The following OCA2 variants were observed in gnomAD, a reference collection of about 807,000 sequenced individuals.
OCA2 encodes P protein.
Under a neutral mutation model 100.2 loss-of-function variants are expected in OCA2, and 77 were observed. The observed-to-expected ratio is 0.77, with a 90% CI of 0.64 to 0.93. The LOEUF is 0.93. Among genes scored for constraint, OCA2 ranks in the 40% least tolerant of loss-of-function variants. The pLI is 0.00. For synonymous variants in OCA2, 432 were observed against 439.2 expected (o/e 0.98, Z 0.21); for missense variants, 1,062 against 1,089.1 (o/e 0.98, Z 0.35).
intron 19 of OCA2, among the ~76,000 whole-genome samples, chr15:27,883,573 A>G (rs1298527995): frequency 6.6e-6 from 1 of 152,088 alleles, no homozygotes; most frequent in Non-Finnish European, 1.5e-5. Context: ...ATCCCTCATC[A>G]GGGCGAGGGA....
chr15:27,927,618 T>G (rs1208053553), intron 18 of OCA2, among the ~76,000 whole-genome samples: 1 of 152,132 alleles, frequency 6.6e-6, no homozygotes, highest in Non-Finnish European at 1.5e-5. Context: ...CCAAAATAAT[T>G]TTATCATTTT....
intron 14 of OCA2, among the ~76,000 whole-genome samples, chr15:27,972,863 A>ACAGAGTCTCTC (rs2040844475): frequency 2.3e-5 from 1 of 43,058 alleles, no homozygotes; most frequent in Admixed American, 2.1e-4. Context: ...ATTTTATTTT[A>ACAGAGTCTCTC]TTTTATTTTA....
intron 23 of OCA2, among the ~76,000 whole-genome samples, chr15:27,759,682 C>A (rs1052456358): frequency 6.6e-6 from 1 of 151,282 alleles, no homozygotes; most frequent in Non-Finnish European, 1.5e-5. Flanking sequence ...CAAAAACTGA[C>A]AAAATGACAA....
At chr15:27,968,208 C>T (rs1425928447) in intron 14 of OCA2, among the ~76,000 whole-genome samples, 1 of 152,232 alleles carries the variant, frequency 6.6e-6, no homozygotes, top group Non-Finnish European at 1.5e-5. Flanking sequence ...ACCTCCTGAG[C>T]CCCCAGCAGG....
At chr15:27,958,189 T>A (rs1385887547) in intron 15 of OCA2, among the ~76,000 whole-genome samples, 2 of 152,154 alleles carry the variant, frequency 1.3e-5, no homozygotes, top group Non-Finnish European at 2.9e-5. Context: ...ACCCTAGAAC[T>A]TAAAGTGTAA....
intron 10 of OCA2, 40 bp from the exon 11 acceptor site, chr15:27,989,706 C>G: frequency 6.3e-7 from 1 of 1,584,180 alleles, no homozygotes. Flanking sequence ...ATCCGTGCGC[C>G]GCCATCCCAG....
At chr15:27,763,696 G>A (rs2031024054) in intron 23 of OCA2, among the ~76,000 whole-genome samples, 1 of 152,200 alleles carries the variant, frequency 6.6e-6, no homozygotes, top group Non-Finnish European at 1.5e-5. Flanking sequence ...CTGGGAGGCA[G>A]GCACCCTCCT....
chr15:28,054,614 A>C (rs1027565346), intron 2 of OCA2, among the ~76,000 whole-genome samples: 1 of 152,176 alleles, frequency 6.6e-6, no homozygotes, highest in African/African-American at 2.4e-5. Context: ...CCAAAATTAC[A>C]TAAGGATTTC....
chr15:28,084,650 C>G (rs1000665886), intron 1 of OCA2, among the ~76,000 whole-genome samples: 1 of 152,182 alleles, frequency 6.6e-6, no homozygotes, highest in Non-Finnish European at 1.5e-5. Context: ...GGAAGCTCAA[C>G]TGGGGAAAAA....
intron 7 of OCA2, among the ~76,000 whole-genome samples, chr15:28,017,283 T>C (rs551815151): frequency 6.6e-6 from 1 of 152,246 alleles, no homozygotes; most frequent in Admixed American, 6.5e-5. Flanking sequence ...GGGGCTGGAT[T>C]TGCCTGTGGG....
At chr15:27,939,724 C>T (rs1355733831) in intron 18 of OCA2, among the ~76,000 whole-genome samples, 1 of 152,240 alleles carries the variant, frequency 6.6e-6, no homozygotes, top group Non-Finnish European at 1.5e-5. Context: ...GGAATCGTGC[C>T]TCATTCACAG....
intron 21 of OCA2, 25 bp downstream of exon 21, chr15:27,871,129 G>A (rs7175046): frequency 1.9e-6 from 3 of 1,571,116 alleles, no homozygotes; most frequent in African/African-American, 1.4e-5. Context: ...AAGTTGAGCC[G>A]TCGACATGGA....
At chr15:27,825,350 G>C (rs2034678461) in intron 23 of OCA2, among the ~76,000 whole-genome samples, 1 of 152,180 alleles carries the variant, frequency 6.6e-6, no homozygotes, top group African/African-American at 2.4e-5. Context: ...CCCCCTTGTA[G>C]ACAAGCCATT....
intron 23 of OCA2, among the ~76,000 whole-genome samples, chr15:27,785,891 G>A (rs1595407341): frequency 6.6e-6 from 1 of 152,168 alleles, no homozygotes; most frequent in African/African-American, 2.4e-5. Flanking sequence ...ACATACAATG[G>A]AATATTTTCC....
chr15:28,026,984 C>T (rs912795106), intron 4 of OCA2, among the ~76,000 whole-genome samples: 10 of 152,232 alleles, frequency 6.6e-5, no homozygotes, highest in African/African-American at 2.4e-4. Flanking sequence ...CAGGCAAGGC[C>T]CTGCGATGGG....
chr15:27,842,451 T>G (rs1464979272), intron 23 of OCA2, among the ~76,000 whole-genome samples: 1 of 152,232 alleles, frequency 6.6e-6, no homozygotes, highest in East Asian at 1.9e-4. Flanking sequence ...AGCCCCCTTT[T>G]GTGAAAATAA....
chr15:27,928,221 A>T (rs2039115920), intron 18 of OCA2, among the ~76,000 whole-genome samples: 1 of 152,192 alleles, frequency 6.6e-6, no homozygotes, highest in Non-Finnish European at 1.5e-5. Context: ...GAAGAAAAGA[A>T]ATAATAAAGA....
intron 23 of OCA2, among the ~76,000 whole-genome samples, chr15:27,822,961 G>A (rs572426155): frequency 2.6e-5 from 4 of 152,024 alleles, no homozygotes; most frequent in Non-Finnish European, 4.4e-5. Context: ...TTGTCCTATC[G>A]TGAGTTCACT....
chr15:27,828,265 G>A (rs1332314164), intron 23 of OCA2, among the ~76,000 whole-genome samples: 2 of 152,104 alleles, frequency 1.3e-5, no homozygotes, highest in African/African-American at 2.4e-5. Context: ...TCCCTGTCGG[G>A]GACTTATAGT....
Sources: allele counts gnomAD v4.1 joint callset (sites outside exome capture counted in the v4.1 genomes callset), GRCh38; gene constraint gnomAD v4.1.1; transcripts MANE v1.5; gene names NCBI Gene and HGNC (gene_info 2026-07-23, HGNC 2026-07-21).